The following SLF2 variants were observed in gnomAD, a reference collection of about 807,000 sequenced individuals.
The protein encoded by SLF2 is SMC5-SMC6 complex localization factor protein 2.
SLF2 carries 68 observed loss-of-function variants against 124.3 expected under a neutral mutation model. That is an observed-to-expected ratio of 0.55 (90% confidence interval 0.45 to 0.67). The LOEUF (loss-of-function observed/expected upper bound fraction) is 0.67. Among genes scored for constraint, SLF2 ranks in the 30% least tolerant of loss-of-function variants. The pLI, the probability that SLF2 is intolerant of heterozygous loss-of-function variation, is 0.00. For synonymous variants in SLF2, 480 were observed against 478.8 expected (o/e 1.00, Z -0.03); for missense variants, 1,246 against 1,373.7 (o/e 0.91, Z 1.47).
Position 100,945,437 on chromosome 10 carries a change from G to C in SLF2, c.2865G>C (p.Gln955His). ...FKMSLEKQLK[Q>H]IPLVDFQSLL... ...TGAGTTTGGAAAAACAGCTGAAACAGATTCCTTTAGTAGACTTTCAAAGCC... is the reference window on the plus strand; with the variant it reads ...TGAGTTTGGAAAAACAGCTGAAACACATTCCTTTAGTAGACTTTCAAAGCC... The change falls in exon 13 of 20, where the codon CAG becomes CAC. Residue 955 changes from glutamine (Q) to histidine (H), a missense_variant. By Grantham distance (24) the Gln-to-His change is conservative. Coordinates refer to ENST00000238961, the MANE Select transcript of SLF2 (RefSeq NM_018121.4). 2.5e-6 allele frequency: 4 copies of C among 1,598,268 alleles called. No homozygotes were observed. Among genetic ancestry groups the C allele is most frequent in the Non-Finnish European group, 3.4e-6 (4 of 1,176,644 alleles).
intron 10 of SLF2, 137 bp from the exon 11 acceptor site, chr10:100,938,458 T>C: frequency 1.3e-6 from 1 of 758,048 alleles, no homozygotes; most frequent in Non-Finnish European, 2.1e-6. Context: ...TATAACTGTA[T>C]TGTTAGCATA....
intron 15 of SLF2, among the ~76,000 whole-genome samples, chr10:100,948,376 G>A (rs910784561): frequency 1.6e-4 from 24 of 152,266 alleles, no homozygotes; most frequent in African/African-American, 5.3e-4. Context: ...CACACCTATC[G>A]TCCCAGCTAC....
At chr10:100,926,410 C>T in intron 6 of SLF2, 1 of 827,470 alleles carries the variant, frequency 1.2e-6, no homozygotes, top group African/African-American at 1.7e-5. Context: ...TTGAGACTAG[C>T]CTGGGCAACA....
chr10:100,958,185 C>T (rs540413087), intron 18 of SLF2, among the ~76,000 whole-genome samples: 4 of 152,214 alleles, frequency 2.6e-5, no homozygotes, highest in Admixed American at 2.6e-4. Context: ...TTTGGATAGT[C>T]ATTGAATGTG....
intron 3 of SLF2, among the ~76,000 whole-genome samples, chr10:100,917,769 G>T (rs1308013934): frequency 2.0e-5 from 3 of 151,984 alleles, no homozygotes; most frequent in African/African-American, 7.3e-5. Context: ...GTAGAGACAG[G>T]TCTCCCTATA....
intron 1 of SLF2, among the ~76,000 whole-genome samples, chr10:100,914,165 A>G (rs1188985076): frequency 6.6e-6 from 1 of 152,256 alleles, no homozygotes; most frequent in Non-Finnish European, 1.5e-5. Flanking sequence ...TACAGGTTGC[A>G]GCACCAGACC....
chr10:100,935,194 G>T (rs921173293), intron 9 of SLF2, among the ~76,000 whole-genome samples: 12 of 152,112 alleles, frequency 7.9e-5, no homozygotes, highest in African/African-American at 2.6e-4. Context: ...AGGAGTTTGA[G>T]ACCACCCTAG....
At chr10:100,958,043 T>G (rs746485510) in intron 18 of SLF2, among the ~76,000 whole-genome samples, 1 of 152,096 alleles carries the variant, frequency 6.6e-6, no homozygotes, top group Non-Finnish European at 1.5e-5. Flanking sequence ...AGCAAGACTC[T>G]GTCTCAAAAA....
intron 11 of SLF2, among the ~76,000 whole-genome samples, chr10:100,942,481 C>T (rs1370050910): frequency 6.6e-6 from 1 of 152,154 alleles, no homozygotes; most frequent in Admixed American, 6.5e-5. Context: ...TCTCCAGGTA[C>T]TCCACCTTCC....
intron 17 of SLF2, among the ~76,000 whole-genome samples, chr10:100,954,732 TAGG>T (rs936051172): frequency 3.9e-5 from 6 of 152,040 alleles, no homozygotes; most frequent in African/African-American, 1.2e-4. Context: ...TGCTTGAGCC[TAGG>T]AGTTTAAAAC....
intron 18 of SLF2, among the ~76,000 whole-genome samples, chr10:100,959,127 TAA>T (rs1850383186): frequency 6.6e-6 from 1 of 152,228 alleles, no homozygotes. Context: ...GCCAGCGAGT[TAA>T]AGTTAAGTTC....
At chr10:100,960,897 C>G (rs552186288) in intron 19 of SLF2, among the ~76,000 whole-genome samples, 1 of 147,744 alleles carries the variant, frequency 6.8e-6, no homozygotes, top group African/African-American at 2.5e-5. Context: ...TCTAAAATGA[C>G]GCTTCTCAAA....
At chr10:100,957,668 C>T (rs548201905) in intron 18 of SLF2, among the ~76,000 whole-genome samples, 1 of 151,976 alleles carries the variant, frequency 6.6e-6, no homozygotes, top group East Asian at 1.9e-4. Context: ...CAGGAGTCTT[C>T]AAATCTTTGG....
intron 12 of SLF2, among the ~76,000 whole-genome samples, chr10:100,944,870 C>CA (rs971995180): frequency 4.3e-4 from 64 of 148,396 alleles, no homozygotes; most frequent in African/African-American, 1.3e-3. Context: ...ACTAAAAATA[C>CA]AAAAAAAAAA....
rs1178917913 is a variant in SLF2, at chr10:100,913,266, C to T, written c.140+16C>T. 1 of 1,569,466 alleles carries T rather than the reference C, an allele frequency of 6.4e-7. No individual in the cohort carries two copies. Among genetic ancestry groups the T allele is most frequent in the Admixed American group, 1.8e-5 (1 of 54,678 alleles). On this transcript the variant is annotated intron_variant, in intron 1 of 19. Coordinates refer to ENST00000238961, the MANE Select transcript of SLF2 (RefSeq NM_018121.4). ...CTGGGGACAGGTACCGTGCAGAGGG[C>T]TTGAGAAGGGGCCGGGTCGCGGGGG...
chr10:100,919,321 A>G (rs1417888565), intron 4 of SLF2, among the ~76,000 whole-genome samples: 3 of 152,100 alleles, frequency 2.0e-5, no homozygotes, highest in African/African-American at 7.2e-5. Context: ...CCCAGGAAAC[A>G]TAATCTTATT....
rs755286282 is a variant in SLF2 at position 100,925,988 on chromosome 10, C to A, written c.2011C>A (p.Arg671Ser). 1 of 1,611,982 alleles carries A rather than the reference C, an allele frequency of 6.2e-7. No individual in the cohort carries two copies. Among genetic ancestry groups the A allele is most frequent in the Non-Finnish European group, 8.5e-7 (1 of 1,179,030 alleles). Reference protein sequence around the residue: ...HPGTYTNTLERLVKEMEDTQR... With the variant: ...HPGTYTNTLESLVKEMEDTQR... ...TGGAACTTACACAAATACCTTAGAA[C>A]GTCTAGTGAAGGAAATGGAAGACAC... The change falls in exon 6 of 20, where the codon CGT becomes AGT. Residue 671 changes from arginine to serine, a missense_variant. Arg to Ser is a moderately radical substitution (Grantham distance 110, BLOSUM62 -1). This residue lies in a region of SLF2 where 535 missense variants were observed against 632.8 expected (regional missense o/e 0.85). Transcript: ENST00000238961.
intron 4 of SLF2, among the ~76,000 whole-genome samples, chr10:100,920,174 G>A (rs1849498137): frequency 6.6e-6 from 1 of 152,166 alleles, no homozygotes; most frequent in Admixed American, 6.5e-5. Flanking sequence ...TCACTGTATT[G>A]CACATTTTTA....
At chr10:100,956,667 G>A (rs957898695) in intron 18 of SLF2, 130 bp downstream of exon 18, 1 of 627,476 alleles carries the variant, frequency 1.6e-6, no homozygotes, top group Admixed American at 3.1e-5. Flanking sequence ...GCTCATGCCT[G>A]TAATCCCAAT....
Sources: gnomAD v4.1 joint callset for allele counts (sites outside exome capture counted in the v4.1 genomes callset) on GRCh38, gnomAD v4.1.1 for gene constraint, gnomAD v4.1.1 regional missense constraint, MANE v1.5 for transcripts, NCBI Gene and HGNC (gene_info 2026-07-23, HGNC 2026-07-21) for gene names.